Variants in GALNT11 observed in about 807,000 individuals in gnomAD.
GALNT11 encodes the protein polypeptide N-acetylgalactosaminyltransferase 11.
A neutral mutation model predicts 72.7 loss-of-function variants in GALNT11; 47 were observed. The ratio of observed to expected loss-of-function variants is 0.65; its 90% CI spans 0.51 to 0.82. The LOEUF (loss-of-function observed/expected upper bound fraction) is 0.82. Ranked by LOEUF, GALNT11 falls within the 40% of genes least tolerant of loss-of-function variation. The pLI is 0.00. For synonymous variants in GALNT11, 270 were observed against 286.6 expected, an observed-to-expected ratio of 0.94 and a Z score of 0.58; for missense variants, 677 against 778.4, an observed-to-expected ratio of 0.87 and a Z score of 1.55.
chr7:152,062,387 A>G (rs1336668581), intron 1 of GALNT11, among the ~76,000 whole-genome samples: 1 of 152,188 alleles, frequency 6.6e-6, no homozygotes, highest in Non-Finnish European at 1.5e-5. Flanking sequence ...AGGTTTTCTA[A>G]ATATACAATC....
intron 1 of GALNT11, among the ~76,000 whole-genome samples, chr7:152,037,788 TGA>T (rs1399121137): frequency 2.0e-5 from 3 of 152,042 alleles, no homozygotes; most frequent in African/African-American, 7.2e-5. Context: ...TCCTTCCTTT[TGA>T]GAGAGTCTTG....
intron 6 of GALNT11, among the ~76,000 whole-genome samples, chr7:152,108,827 C>T (rs1029905037): frequency 1.3e-5 from 2 of 151,952 alleles, no homozygotes; most frequent in Non-Finnish European, 1.5e-5. Flanking sequence ...AAATTTCTTA[C>T]GTAGATTGAA....
In GALNT11 at chr7:152,121,089, G is replaced by A. The variant is rs539832862; in HGVS notation, c.1695+121G>A. On this transcript the variant is annotated intron_variant, in intron 11 of 11. Transcript: ENST00000430044. ...GGTCTTCTCAGTCTGCAGTACAGTG[G>A]TCCCCCCAGAAACCACAGGTAGTAC... The A allele has an allele frequency of 2.5e-6, 3 of 1,209,572 alleles. No individual in the cohort carries two copies. In the African/African-American group the frequency reaches 4.6e-5, roughly 19 times the overall value. The allele number at this position is 1,209,572 out of a possible 1,614,324, so 74.9% of individuals were successfully genotyped here.
At chr7:152,045,871 A>G (rs184604491) in intron 1 of GALNT11, among the ~76,000 whole-genome samples, 6 of 151,870 alleles carry the variant, frequency 4.0e-5, no homozygotes, top group African/African-American at 1.4e-4. Context: ...CATCTTTAAG[A>G]TGCATAATTA....
chr7:152,111,646 T>A (rs537518432), intron 7 of GALNT11, among the ~76,000 whole-genome samples: 235 of 141,438 alleles, frequency 1.7e-3, no homozygotes, highest in African/African-American at 3.4e-3. Context: ...ATATATATAT[T>A]TTTTTAAATT....
At chr7:152,091,111 G>A (rs1234611921) in intron 1 of GALNT11, among the ~76,000 whole-genome samples, 3 of 118,946 alleles carry the variant, frequency 2.5e-5, no homozygotes, top group Admixed American at 9.8e-5. Flanking sequence ...GCAGTGGTGC[G>A]ATCTCGGCTC....
At chr7:152,039,622 C>G (rs965374561) in intron 1 of GALNT11, among the ~76,000 whole-genome samples, 3 of 137,498 alleles carry the variant, frequency 2.2e-5, no homozygotes, top group African/African-American at 1.1e-4. Context: ...TGACAGTTGG[C>G]ATCCTCCTCA....
intron 7 of GALNT11, 92 bp downstream of exon 7, chr7:152,110,737 T>A: frequency 9.5e-7 from 1 of 1,047,146 alleles, no homozygotes; most frequent in Non-Finnish European, 1.4e-6. Context: ...TCTCCTTGAT[T>A]ATTTTTTTTT....
chr7:152,100,812 G>T lies in GALNT11; in HGVS notation c.310G>T (p.Glu104Ter). The change falls in exon 3 of 12, where the codon GAA (glutamate) becomes TAA (stop). Residue 104 changes from glutamate to a stop codon, truncating the protein, a stop_gained. Transcript: ENST00000430044. LOFTEE classifies it high-confidence loss of function. The part of the protein sequence containing the change: ...FSSELGMIFN[E>*]RDQELRDLGY... ...CTCTTTTGCAGGTATGATTTTTAAT[G>T]AACGCGATCAAGAGTTGAGAGACTT... The T allele has an allele frequency of 1.2e-6, 2 of 1,613,608 alleles. No individual in the cohort carries two copies. Among genetic ancestry groups the T allele is most frequent in the South Asian group, 2.2e-5 (2 of 91,026 alleles).
At position 152,103,293 on chromosome 7, in the gene GALNT11, AC is replaced by A. The variant is rs1350438473; in HGVS notation, c.586+17del. 6.8e-6 allele frequency: 11 copies of A among 1,608,150 alleles called. No homozygotes were observed. Among genetic ancestry groups the A allele is most frequent in the Middle Eastern group, 1.7e-4 (1 of 6,032 alleles). On this transcript the variant is annotated intron_variant, in intron 4 of 11. Transcript: ENST00000430044. The stretch of plus-strand genomic sequence containing the variant: ...TAGTGACTTTGGTAAGGAATGCTGC[AC>A]CTGGTAACATTGGATCCAGGCTGTC...
At chr7:152,050,928 A>G (rs368435393) in intron 1 of GALNT11, among the ~76,000 whole-genome samples, 5 of 152,130 alleles carry the variant, frequency 3.3e-5, no homozygotes, top group African/African-American at 7.2e-5. Context: ...TGAAAGCCCT[A>G]CAATCCCTGC....
intron 1 of GALNT11, among the ~76,000 whole-genome samples, chr7:152,053,978 G>A (rs2083524068): frequency 7.0e-6 from 1 of 142,740 alleles, no homozygotes; most frequent in African/African-American, 3.0e-5. Flanking sequence ...GCTTGTTTTT[G>A]CTAATTATAT....
At chr7:152,069,797 T>C (rs1310229586) in intron 1 of GALNT11, among the ~76,000 whole-genome samples, 1 of 152,190 alleles carries the variant, frequency 6.6e-6, no homozygotes, top group East Asian at 1.9e-4. Flanking sequence ...TAAAGCTTTA[T>C]AGTTCAAGTT....
chr7:152,083,081 C>T (rs181132755), intron 1 of GALNT11, among the ~76,000 whole-genome samples: 26 of 152,290 alleles, frequency 1.7e-4, no homozygotes, highest in Non-Finnish European at 3.7e-4. Context: ...AGATATTACT[C>T]TTTTGTCTGT....
At chr7:152,105,622 C>T in intron 5 of GALNT11, among the ~76,000 whole-genome samples, 1 of 152,322 alleles carries the variant, frequency 6.6e-6, no homozygotes, top group East Asian at 1.9e-4. Context: ...TTCTTTGATA[C>T]TTACTGCCCC....
intron 1 of GALNT11, among the ~76,000 whole-genome samples, chr7:152,052,800 C>T (rs1028546563): frequency 6.6e-6 from 1 of 152,204 alleles, no homozygotes; most frequent in Non-Finnish European, 1.5e-5. Context: ...ACACCTCTGT[C>T]AGGCCTACAT....
chr7:152,112,497 A>G (rs952134824), intron 7 of GALNT11, among the ~76,000 whole-genome samples: 5 of 151,904 alleles, frequency 3.3e-5, no homozygotes, highest in Non-Finnish European at 7.4e-5. Context: ...GCCAAGCGCC[A>G]CTGCACTCTA....
chr7:152,094,428 C>T lies in GALNT11; in HGVS notation c.201C>T (p.Leu67=), dbSNP rs543834041. The part of the protein sequence containing the change: ...PRFTRGPSRV[L]EPQFKANKID... ...TCACTCGAGGCCCAAGTCGAGTGCT[C>T]GAGCCACAGTTCAAAGCAAACAAAA... Residue 67 remains leucine, a synonymous_variant, in exon 2 of 12, where the codon CTC becomes CTT. Transcript: ENST00000430044. The surrounding 1 kb of genome is among the most constrained non-coding windows in gnomAD (Gnocchi z 4.3). The T allele has an allele frequency of 2.0e-5, 32 of 1,612,622 alleles. No individual in the cohort carries two copies. In the African/African-American group the frequency reaches 2.9e-4, roughly 15 times the overall value.
At chr7:152,064,340 T>C (rs924546010) in intron 1 of GALNT11, among the ~76,000 whole-genome samples, 2 of 152,228 alleles carry the variant, frequency 1.3e-5, no homozygotes, top group Admixed American at 1.3e-4. Context: ...ATTTTGAGCC[T>C]ATGTGTGTCT....
Sources: gnomAD v4.1 joint callset for allele counts (sites outside exome capture counted in the v4.1 genomes callset) on GRCh38, gnomAD v4.1.1 for gene constraint, Gnocchi (gnomAD v3.1) non-coding constraint, MANE v1.5 for transcripts, NCBI Gene and HGNC (gene_info 2026-07-23, HGNC 2026-07-21) for gene names.